CRPPA: variants seen among roughly 807,000 people sequenced by gnomAD.
CRPPA encodes the protein CDP-L-ribitol pyrophosphorylase A.
A neutral mutation model predicts 52.0 loss-of-function variants in CRPPA; 43 were observed. That is an observed-to-expected ratio of 0.83 (90% CI 0.65 to 1.07). The LOEUF (loss-of-function observed/expected upper bound fraction) is 1.07, where lower values mean the gene tolerates loss of function less well. Ranked by LOEUF, CRPPA falls within the 50% of genes least tolerant of loss-of-function variation. The probability of loss-of-function intolerance (pLI) is 0.00; values close to 1 mark genes in which losing one functional copy is unlikely to be tolerated. For missense variants in CRPPA, 629 were observed against 551.7 expected, an observed-to-expected ratio of 1.14 and a Z score of -1.40; for synonymous variants, 250 against 203.5, an observed-to-expected ratio of 1.23 and a Z score of -1.94.
rs1562608493 is a variant in CRPPA, at chr7:16,286,062, T to TAGA, written c.836-7837_836-7836insTCT. Among the ~76,000 whole-genome samples the TAGA allele has an allele frequency of 7.1e-4, 23 of 32,360 alleles. 1 individual carries two copies. Among genetic ancestry groups the TAGA allele is most frequent in the East Asian group, 1.3e-3 (2 of 1,542 alleles). The allele number at this position is 32,360 out of a possible 152,430, so 21.2% of individuals were successfully genotyped here. On this transcript the variant is annotated intron_variant, in intron 5 of 9. Transcript: ENST00000407010. Reference sequence around the variant, plus strand: ...AAATATAAATATATATATATATATATATATATATATATATATATAATATTT... The same window carrying TAGA: ...AAATATAAATATATATATATATATATAGAATATATATATATATATATAATATTT...
intron 6 of CRPPA, among the ~76,000 whole-genome samples, chr7:16,259,299 T>C (rs958672600): frequency 6.6e-6 from 1 of 152,000 alleles, no homozygotes; most frequent in Non-Finnish European, 1.5e-5. Flanking sequence ...TAGTCTGGTT[T>C]ATCTTATACA....
intron 8 of CRPPA, among the ~76,000 whole-genome samples, chr7:16,235,429 T>C (rs972052451): frequency 1.3e-5 from 2 of 152,084 alleles, no homozygotes; most frequent in African/African-American, 4.8e-5. Context: ...CTAGGTCATT[T>C]CAGATTGAAA....
At chr7:16,171,976 C>A (rs1232372324) in intron 9 of CRPPA, among the ~76,000 whole-genome samples, 28 of 152,082 alleles carry the variant, frequency 1.8e-4, no homozygotes, top group Admixed American at 1.8e-3. Flanking sequence ...GCAAGCTATC[C>A]TACAAGTAGC....
chr7:16,347,419 G>C lies in CRPPA; in HGVS notation c.684+28673C>G, dbSNP rs571780372. ...AAACCAAGGACTTGTGTTATCAGTT[G>C]TTCCTGCCTCAGTCAAGATCCACTT... On this transcript the variant is annotated intron_variant, in intron 3 of 9. Transcript: ENST00000407010. Among the ~76,000 whole-genome samples the C allele has an allele frequency of 3.3e-5, 5 of 152,234 alleles. No individual in the cohort carries two copies. In the South Asian group the frequency reaches 1.0e-3, roughly 32 times the overall value.
chr7:16,329,559 C>T (rs1009510899), intron 3 of CRPPA, among the ~76,000 whole-genome samples: 7 of 152,056 alleles, frequency 4.6e-5, no homozygotes, highest in Admixed American at 2.0e-4. Context: ...TTAGGAGACA[C>T]ATTTACGTCA....
At chr7:16,342,962 C>A (rs557140141) in intron 3 of CRPPA, among the ~76,000 whole-genome samples, 1 of 141,160 alleles carries the variant, frequency 7.1e-6, no homozygotes, top group Admixed American at 7.4e-5. Flanking sequence ...ACTGCTTGAG[C>A]CTGGGAGGTA....
rs1006689343 is a variant in CRPPA at position 16,266,739 on chromosome 7, A to G, written c.934-7727T>C. 2.6e-5 allele frequency among the ~76,000 whole-genome samples: 4 copies of G among 152,138 alleles called. No individual in the cohort carries two copies. In the East Asian group the frequency reaches 5.8e-4, roughly 22 times the overall value. On this transcript the variant is annotated intron_variant, in intron 6 of 9. Coordinates refer to ENST00000407010, the MANE Select transcript of CRPPA (RefSeq NM_001101426.4). ...GGTGATCCACCCGCCTCGGCCTCCTAAAGTGCTGGGATTACAGGCACGAGC... is the reference window on the plus strand; with the variant it reads ...GGTGATCCACCCGCCTCGGCCTCCTGAAGTGCTGGGATTACAGGCACGAGC...
At chr7:16,395,713 C>T in intron 2 of CRPPA, among the ~76,000 whole-genome samples, 1 of 152,072 alleles carries the variant, frequency 6.6e-6, no homozygotes, top group Non-Finnish European at 1.5e-5. Context: ...CCTATAAATT[C>T]CTAAAATTTC....
intron 9 of CRPPA, among the ~76,000 whole-genome samples, chr7:16,175,473 T>C: frequency 6.6e-6 from 1 of 152,114 alleles, no homozygotes; most frequent in East Asian, 1.9e-4. Context: ...TCACTCTTCA[T>C]CTCTAATGAA....
intron 1 of CRPPA, among the ~76,000 whole-genome samples, chr7:16,419,808 T>G (rs990605443): frequency 6.6e-6 from 1 of 152,078 alleles, no homozygotes. Flanking sequence ...ACCCGCCAAA[T>G]TATCTTTTAA....
chr7:16,342,127 G>C (rs1354147953), intron 3 of CRPPA, among the ~76,000 whole-genome samples: 1 of 152,034 alleles, frequency 6.6e-6, no homozygotes, highest in Non-Finnish European at 1.5e-5. Context: ...TAACATCTAG[G>C]TATTAATAAT....
intron 3 of CRPPA, among the ~76,000 whole-genome samples, chr7:16,353,975 C>T (rs1454424614): frequency 6.6e-6 from 1 of 151,848 alleles, no homozygotes; most frequent in African/African-American, 2.4e-5. Flanking sequence ...CACATTGTAC[C>T]ACATATATAT....
In CRPPA at chr7:16,314,999, T is replaced by C. The variant is rs1440278665; in HGVS notation, c.685-6372A>G. The stretch of plus-strand genomic sequence containing the variant: ...TTCCTTTCTTCTTCTGGTATGCTCA[T>C]TATATGTGTGTTATGTGTTTTACAG... On this transcript the variant is annotated intron_variant, in intron 3 of 9. Transcript: ENST00000407010. Among the ~76,000 whole-genome samples the C allele has an allele frequency of 2.6e-5, 4 of 152,136 alleles. No homozygotes were observed. The East Asian group carries it at 7.7e-4, about 29-fold the overall frequency.
chr7:16,131,918 G>C lies in CRPPA; in HGVS notation c.1252-40119C>G, dbSNP rs557081655. Among the ~76,000 whole-genome samples, 104 of 152,300 alleles carry C rather than the reference G, an allele frequency of 6.8e-4. 1 individual carries two copies. The South Asian group carries it at 0.013, about 19-fold the overall frequency. On this transcript the variant is annotated intron_variant, in intron 9 of 9. Coordinates refer to ENST00000407010, the MANE Select transcript of CRPPA (RefSeq NM_001101426.4). The stretch of plus-strand genomic sequence containing the variant: ...GGTCATCAGGCAGAGCTTCAGGCTT[G>C]GGATCCCACCCATGGAGAGTCACGG...
chr7:16,248,740 G>A (rs1045484771), intron 8 of CRPPA, among the ~76,000 whole-genome samples: 7 of 152,164 alleles, frequency 4.6e-5, no homozygotes, highest in East Asian at 1.9e-4. Flanking sequence ...CACAGAGGGC[G>A]AGCTGAAGAA....
chr7:16,377,126 T>C (rs954091001), intron 2 of CRPPA, among the ~76,000 whole-genome samples: 1 of 152,166 alleles, frequency 6.6e-6, no homozygotes, highest in African/African-American at 2.4e-5. Flanking sequence ...ACAAGATAGA[T>C]AGTCCACACA....
intron 6 of CRPPA, among the ~76,000 whole-genome samples, chr7:16,265,096 C>A (rs985672505): frequency 6.6e-6 from 1 of 152,160 alleles, no homozygotes; most frequent in Non-Finnish European, 1.5e-5. Context: ...GAAGTCAATC[C>A]TGGTAGAGTT....
chr7:16,125,870 G>A (rs1295779208), intron 9 of CRPPA, among the ~76,000 whole-genome samples: 4 of 128,380 alleles, frequency 3.1e-5, no homozygotes, highest in African/African-American at 8.8e-5. Context: ...AGTGTTAGAT[G>A]TACAATAGAA....
intron 9 of CRPPA, among the ~76,000 whole-genome samples, chr7:16,158,940 T>G (rs1050782381): frequency 6.6e-6 from 1 of 151,714 alleles, no homozygotes; most frequent in African/African-American, 2.4e-5. Flanking sequence ...TTTTGTGTTT[T>G]GTTTTTATTT....
Sources: gnomAD v4.1 joint callset for allele counts (sites outside exome capture counted in the v4.1 genomes callset) on GRCh38, gnomAD v4.1.1 for gene constraint, MANE v1.5 for transcripts, NCBI Gene and HGNC (gene_info 2026-07-23, HGNC 2026-07-21) for gene names.